TMEM216: variants seen among roughly 807,000 people sequenced by gnomAD.
TMEM216 encodes the protein transmembrane protein 216.
In TMEM216, 15 loss-of-function variants were observed where a neutral mutation model predicts 17.8. The ratio of observed to expected loss-of-function variants is 0.84; its 90% confidence interval spans 0.56 to 1.30. The LOEUF (loss-of-function observed/expected upper bound fraction) is 1.30, where lower values mean the gene tolerates loss of function less well. TMEM216 is among the 50% of genes most tolerant of loss of function. TMEM216 has a pLI of 0.00. For missense variants in TMEM216, 160 were observed against 175.7 expected (o/e 0.91, Z 0.51); for synonymous variants, 58 against 73.5 (o/e 0.79, Z 1.08).
At position 61,392,636 on chromosome 11, in the gene TMEM216, T is replaced by G. The variant is rs569734777; in HGVS notation, c.5T>G (p.Leu2Arg). The G allele has an allele frequency of 6.5e-7, 1 of 1,534,858 alleles. No homozygotes were observed. The highest frequency in any genetic ancestry group is 1.2e-5 in the South Asian group (1 of 84,026). Residue 2 changes from leucine to arginine, a missense_variant, in exon 1 of 5, where the codon CTG becomes CGG. Coordinates refer to ENST00000515837, the MANE Select transcript of TMEM216 (RefSeq NM_001173990.3). The part of the protein sequence containing the change: M[L>R]PRGLKMAPRG... ...CGGGAGCCGCTGTGGCAGCGTATGC[T>G]GCCACGGGGACTGAAGATGGCGCCG...
chr11:61,392,848 A>C, intron 1 of TMEM216, 183 bp downstream of exon 1: 2 of 985,386 alleles, frequency 2.0e-6, no homozygotes, highest in South Asian at 9.4e-5. Flanking sequence ...CAAGGTGCAC[A>C]GCTCAAATAA....
rs1858852713 is a variant in TMEM216 at position 61,398,510 on chromosome 11, A to G, written c.*234A>G. 3 of 542,732 alleles carry G rather than the reference A, an allele frequency of 5.5e-6. No individual in the cohort carries two copies. Among genetic ancestry groups the G allele is most frequent in the Non-Finnish European group, 9.8e-6 (3 of 307,476 alleles). 33.6% of individuals were successfully genotyped at this position (542,732 alleles called of 1,614,324 possible). A position where few individuals can be genotyped will look rare whatever the true frequency, so the allele number is the denominator to read the frequency against. On this transcript the variant is annotated 3_prime_UTR_variant, in exon 5 of 5. Coordinates refer to ENST00000515837, the MANE Select transcript of TMEM216 (RefSeq NM_001173990.3). ...CTACACTCCAGTATAGGGAGGGGCA[A>G]GGTTATTCCCATCCTGCCCCTTCTC... is the stretch of plus-strand genomic sequence containing the variant.
In TMEM216 at chr11:61,398,466, A is replaced by G. The variant is rs1858851501; in HGVS notation, c.*190A>G. On this transcript the variant is annotated 3_prime_UTR_variant, in exon 5 of 5. Coordinates refer to ENST00000515837, the MANE Select transcript of TMEM216 (RefSeq NM_001173990.3). The stretch of plus-strand genomic sequence containing the variant: ...GGGTACCATCTTCTAAACCAGGACC[A>G]TCAGCCCAAGAGACTCTTCTACACT... 3 of 629,292 alleles carry G rather than the reference A, an allele frequency of 4.8e-6. No homozygotes were observed. The highest frequency in any genetic ancestry group is 2.8e-6 in the Non-Finnish European group (1 of 359,930). The allele number at this position is 629,292 out of a possible 1,614,324, so 39.0% of individuals were successfully genotyped here. A position where few individuals can be genotyped will look rare whatever the true frequency, so the allele number is the denominator to read the frequency against.
At position 61,392,988 on chromosome 11, in the gene TMEM216, TCTTGA is replaced by T. The variant is rs940328438; in HGVS notation, c.35-239_35-235del. 7 of 683,144 alleles carry T rather than the reference TCTTGA, an allele frequency of 1.0e-5. No homozygotes were observed. In the African/African-American group the frequency reaches 1.2e-4, roughly 11 times the overall value. The allele number at this position is 683,144 out of a possible 1,614,324, so 42.3% of individuals were successfully genotyped here. ...AGATGTCTGTCAGCTGCGAGTTACC[TCTTGA>T]CTTTTATTCCTGAAGCCGAAGAGTC... On this transcript the variant is annotated intron_variant, in intron 1 of 4. Transcript: ENST00000515837.
Position 61,398,493 on chromosome 11 carries a change from C to A in TMEM216, c.*217C>A. 1.7e-6 allele frequency: 1 copy of A among 575,638 alleles called. No homozygotes were observed. Among genetic ancestry groups the A allele is most frequent in the Admixed American group, 3.0e-5 (1 of 32,928 alleles). 35.7% of individuals were successfully genotyped at this position (575,638 alleles called of 1,614,324 possible). A position where few individuals can be genotyped will look rare whatever the true frequency, so the allele number is the denominator to read the frequency against. ...CAGCCCAAGAGACTCTTCTACACTC[C>A]AGTATAGGGAGGGGCAAGGTTATTC... On this transcript the variant is annotated 3_prime_UTR_variant, in exon 5 of 5. Coordinates refer to ENST00000515837, the MANE Select transcript of TMEM216 (RefSeq NM_001173990.3).
chr11:61,393,428 G>A, intron 2 of TMEM216, 96 bp downstream of exon 2: 2 of 878,274 alleles, frequency 2.3e-6, no homozygotes, highest in Non-Finnish European at 1.8e-6. Flanking sequence ...GTTCTTTTCT[G>A]CCCCCTGCAG....
Position 61,393,232 on chromosome 11 carries a change from T to C in TMEM216, c.36T>C (p.Gly12=). The part of the protein sequence containing the change: ...LPRGLKMAPR[G]KRLSSTPLEI... Reference sequence around the variant, plus strand: ...CACTTCTCTGTGCTCCTTTTTCAGGTAAACGGTTGTCCTCCACCCCGCTGG... The same window carrying C: ...CACTTCTCTGTGCTCCTTTTTCAGGCAAACGGTTGTCCTCCACCCCGCTGG... The change falls in exon 2 of 5, where the codon GGT becomes GGC. Residue 12 remains glycine, a splice_region_variant and synonymous_variant. Coordinates refer to ENST00000515837, the MANE Select transcript of TMEM216 (RefSeq NM_001173990.3). The C allele has an allele frequency of 6.5e-7, 1 of 1,535,378 alleles. No homozygotes were observed. The highest frequency in any genetic ancestry group is 8.7e-7 in the Non-Finnish European group (1 of 1,146,368).
intron 1 of TMEM216, chr11:61,392,915 T>C (rs975557857): frequency 3.1e-6 from 3 of 979,984 alleles, no homozygotes; most frequent in Non-Finnish European, 3.6e-6. Flanking sequence ...TCTGTTGGTC[T>C]CTGCGCCCCA....
At chr11:61,394,082 A>C (rs1033925281) in intron 3 of TMEM216, 106 bp downstream of exon 3, 7 of 996,454 alleles carry the variant, frequency 7.0e-6, no homozygotes, top group Non-Finnish European at 1.1e-5. Context: ...CATAGACTGG[A>C]TCTGTATATC....
intron 1 of TMEM216, 53 bp downstream of exon 1, chr11:61,392,718 C>T (rs1284938813): frequency 6.5e-7 from 1 of 1,535,784 alleles, no homozygotes; most frequent in Non-Finnish European, 8.7e-7. Flanking sequence ...CGGTCGCTCC[C>T]TCCCACCTCT....
intron 3 of TMEM216, among the ~76,000 whole-genome samples, chr11:61,397,169 A>T (rs984817892): frequency 6.9e-5 from 10 of 144,358 alleles, no homozygotes; most frequent in Non-Finnish European, 1.4e-4. Flanking sequence ...CTGTGTTGAA[A>T]TTTTTTTTTT....
intron 4 of TMEM216, 62 bp from the exon 5 acceptor site, chr11:61,398,208 G>A: frequency 6.3e-7 from 1 of 1,594,462 alleles, no homozygotes; most frequent in Non-Finnish European, 8.6e-7. Context: ...AACAGTCGAG[G>A]CCAGCTGCTC....
chr11:61,393,170 C>A, intron 1 of TMEM216, 61 bp from the exon 2 acceptor site: 1 of 1,304,262 alleles, frequency 7.7e-7, no homozygotes, highest in Non-Finnish European at 1.1e-6. Flanking sequence ...GACACCAACC[C>A]ATACGAGCAG....
Position 61,393,395 on chromosome 11 carries a change from T to C in TMEM216, c.136+63T>C, listed in dbSNP as rs1004422941. 7 of 1,163,088 alleles carry C rather than the reference T, an allele frequency of 6.0e-6. No homozygotes were observed. The African/African-American group carries it at 7.7e-5, about 13-fold the overall frequency. 72.0% of individuals were successfully genotyped at this position (1,163,088 alleles called of 1,614,324 possible). On this transcript the variant is annotated intron_variant, in intron 2 of 4. Transcript: ENST00000515837. ...CCCACTTCAGCTCAGAGCCAATTCC[T>C]ACCAAGAACCTTCTTATTTTCCGTT...
intron 4 of TMEM216, 65 bp from the exon 5 acceptor site, chr11:61,398,205 G>C (rs999429744): frequency 6.3e-7 from 1 of 1,591,066 alleles, no homozygotes; most frequent in East Asian, 2.3e-5. Context: ...TAGAACAGTC[G>C]AGGCCAGCTG....
chr11:61,395,332 A>C (rs1192683950), intron 3 of TMEM216, among the ~76,000 whole-genome samples: 1 of 152,184 alleles, frequency 6.6e-6, no homozygotes, highest in Non-Finnish European at 1.5e-5. Context: ...ATTTGTTAGA[A>C]TATGTCATCC....
chr11:61,393,518 T>C (rs1219840383), intron 2 of TMEM216, among the ~76,000 whole-genome samples, 186 bp downstream of exon 2: 1 of 152,140 alleles, frequency 6.6e-6, no homozygotes, highest in African/African-American at 2.4e-5. Flanking sequence ...TCAGCAAGAA[T>C]TTCTTGAGTT....
intron 3 of TMEM216, among the ~76,000 whole-genome samples, chr11:61,397,412 C>T (rs528961164): frequency 6.6e-6 from 1 of 152,118 alleles, no homozygotes; most frequent in African/African-American, 2.4e-5. Flanking sequence ...TGTGATCCAC[C>T]TGCCTTGGCC....
In TMEM216 at chr11:61,396,221, C is replaced by T. The variant is rs183971005; in HGVS notation, c.230-1553C>T. On this transcript the variant is annotated intron_variant, in intron 3 of 4. Coordinates refer to ENST00000515837, the MANE Select transcript of TMEM216 (RefSeq NM_001173990.3). ...AGTTGCTGGGCATGGTGGCTCACGC[C>T]TGTAATCCCAGCACTTTGGGAGGCT... 3.1e-3 allele frequency among the ~76,000 whole-genome samples: 477 copies of T among 152,314 alleles called. 2 individuals carry two copies. Among genetic ancestry groups the T allele is most frequent in the Non-Finnish European group, 5.5e-3 (371 of 68,022 alleles).
Sources: allele counts gnomAD v4.1 joint callset (sites outside exome capture counted in the v4.1 genomes callset), GRCh38; gene constraint gnomAD v4.1.1; transcripts MANE v1.5; gene names NCBI Gene and HGNC (gene_info 2026-07-23, HGNC 2026-07-21).